The following CERS1 variants were observed in gnomAD, a reference collection of about 807,000 sequenced individuals.
CERS1 encodes the protein ceramide synthase 1, also known as Embryonic growth/differentiation factor 1.
Under a neutral mutation model 35.7 loss-of-function variants are expected in CERS1, and 16 were observed. That is an observed-to-expected ratio of 0.45 (90% CI 0.30 to 0.68). The LOEUF (loss-of-function observed/expected upper bound fraction) is 0.68, where lower values mean the gene tolerates loss of function less well. Among genes scored for constraint, CERS1 ranks in the 30% least tolerant of loss-of-function variants. The pLI is 0.08. For synonymous variants in CERS1, 243 were observed against 201.6 expected (o/e 1.21, Z -1.74); for missense variants, 454 against 453.9 (o/e 1.00, Z 0.00).
chr19:18,874,494 C>T (rs1475669631), intron 6 of CERS1, among the ~76,000 whole-genome samples: 3 of 152,126 alleles, frequency 2.0e-5, no homozygotes. Context: ...GCTGCAGGGG[C>T]AGTGGCAGGT....
chr19:18,875,273 C>T (rs141558753), intron 6 of CERS1, among the ~76,000 whole-genome samples: 2,710 of 148,048 alleles, frequency 0.018, 32 homozygotes, highest in Non-Finnish European at 0.025. Context: ...AGGCTGGGCG[C>T]GGTGGCTCAC....
intron 2 of CERS1, among the ~76,000 whole-genome samples, chr19:18,887,383 G>A (rs1199813735): frequency 6.6e-6 from 1 of 152,160 alleles, no homozygotes; most frequent in Non-Finnish European, 1.5e-5. Context: ...TAATGGGACG[G>A]GGTTTCCTTT....
Position 18,895,058 on chromosome 19 carries a change from G to GAT in CERS1, c.249+765_249+766insAT. The stretch of plus-strand genomic sequence containing the variant: ...TCTCGCAGGGGCGATGGTCTCCGCA[G>GAT]AAACTGGGGAATTCTGCTGTCGCCT... On this transcript the variant is annotated intron_variant, in intron 1 of 7. Transcript: ENST00000623882. This position sits in a 1 kb window ranked among gnomAD's most constrained non-coding sequence, Gnocchi z 6.4. Among the ~76,000 whole-genome samples the GAT allele has an allele frequency of 6.6e-6, 1 of 152,368 alleles. No homozygotes were observed. The highest frequency in any genetic ancestry group is 1.9e-4 in the East Asian group (1 of 5,180).
At position 18,884,180 on chromosome 19, in the gene CERS1, G is replaced by A. The variant is rs1161008712; in HGVS notation, c.497C>T (p.Thr166Met). 8.1e-6 allele frequency: 13 copies of A among 1,613,702 alleles called. No homozygotes were observed. The highest frequency in any genetic ancestry group is 1.0e-5 in the Non-Finnish European group (12 of 1,179,826). ...CTTGCGCCAGGTGTCCATGTATAGC[G>A]TAGCGTAGATGGAGTGGCCATAGAA... ...GSFYGHSIYA[T>M]LYMDTWRKDS... is the part of the protein sequence containing the mutation. The change falls in exon 3 of 8, where the codon ACG becomes ATG. Residue 166 changes from threonine to methionine, a missense_variant. By Grantham distance (81) the Thr-to-Met change is moderately conservative. Transcript: ENST00000623882.
At chr19:18,887,546 A>G (rs1187445471) in intron 2 of CERS1, among the ~76,000 whole-genome samples, 2 of 152,130 alleles carry the variant, frequency 1.3e-5, no homozygotes, top group African/African-American at 4.8e-5. Context: ...GGAGTTGGAG[A>G]CCAGCCTGGC....
intron 3 of CERS1, among the ~76,000 whole-genome samples, chr19:18,882,836 G>A (rs1203792844): frequency 2.0e-5 from 3 of 151,816 alleles, no homozygotes; most frequent in African/African-American, 7.3e-5. Context: ...GGGACTACAG[G>A]CGCCCACCAC....
In CERS1 at chr19:18,870,209, TGGGGGCAC is replaced by T; in HGVS notation, c.*360_*367del. ...CCTGGAGCAGGGCGGCGGCTGGGCC[TGGGGGCAC>T]GGGGGCGCGGGTCAGGGGCAGCGAG... On this transcript the variant is annotated 3_prime_UTR_variant, in exon 7 of 8. Transcript: ENST00000623882. The surrounding 1 kb of genome is among the most constrained non-coding windows in gnomAD (Gnocchi z 5.1). 1 of 1,557,734 alleles carries T rather than the reference TGGGGGCAC, an allele frequency of 6.4e-7. No individual in the cohort carries two copies. Among genetic ancestry groups the T allele is most frequent in the Non-Finnish European group, 8.6e-7 (1 of 1,158,114 alleles).
chr19:18,893,649 G>A (rs2056553032), intron 1 of CERS1, 74 bp from the exon 2 acceptor site: 1 of 1,447,314 alleles, frequency 6.9e-7, no homozygotes, highest in African/African-American at 1.4e-5. Context: ...TGGGGAAACT[G>A]AGGCCCAGGG....
chr19:18,869,412 C>A (rs757906133), intron 7 of CERS1, 22 bp from the exon 8 acceptor site: 3 of 1,525,716 alleles, frequency 2.0e-6, no homozygotes, highest in Non-Finnish European at 2.6e-6. Context: ...GGAACAGGAA[C>A]TCGGCTCGCG....
intron 2 of CERS1, among the ~76,000 whole-genome samples, chr19:18,885,510 C>CTTT (rs1568302620): frequency 3.4e-5 from 1 of 29,506 alleles, no homozygotes; most frequent in African/African-American, 1.1e-4. Context: ...CGCCCCTTCT[C>CTTT]GTTTTTTTTT....
chr19:18,889,697 T>C (rs1323236735), intron 2 of CERS1, among the ~76,000 whole-genome samples: 1 of 152,168 alleles, frequency 6.6e-6, no homozygotes, highest in African/African-American at 2.4e-5. Flanking sequence ...CCCAAAGTAC[T>C]GGGATTCCAG....
chr19:18,871,018 G>A (rs571800157), intron 6 of CERS1, among the ~76,000 whole-genome samples: 1 of 151,914 alleles, frequency 6.6e-6, no homozygotes, highest in Admixed American at 6.6e-5. Flanking sequence ...CCCCACGAAG[G>A]CTAGTCCTTG....
At chr19:18,880,110 C>T (rs2056164973) in intron 4 of CERS1, among the ~76,000 whole-genome samples, 164 bp downstream of exon 4, 1 of 151,220 alleles carries the variant, frequency 6.6e-6, no homozygotes, top group South Asian at 2.1e-4. Flanking sequence ...TGTATAGCCC[C>T]GCCCCTTCAG....
In CERS1 at chr19:18,870,813, C is replaced by G. The variant is rs943950951; in HGVS notation, c.1011-194G>C. 6.6e-6 allele frequency among the ~76,000 whole-genome samples: 1 copy of G among 152,136 alleles called. No individual in the cohort carries two copies. The highest frequency in any genetic ancestry group is 6.5e-5 in the Admixed American group (1 of 15,274). Reference sequence around the variant, plus strand: ...TCACCCTGCCCCTCCTTCAACCTGCCCCGTAGGCACGTATGTCCCCCCTGG... The same window carrying G: ...TCACCCTGCCCCTCCTTCAACCTGCGCCGTAGGCACGTATGTCCCCCCTGG... On this transcript the variant is annotated intron_variant, in intron 6 of 7. Coordinates refer to ENST00000623882, the MANE Select transcript of CERS1 (RefSeq NM_021267.5). The surrounding 1 kb of genome is among the most constrained non-coding windows in gnomAD (Gnocchi z 5.1).
chr19:18,895,673 C>T lies in CERS1; in HGVS notation c.249+151G>A, dbSNP rs1019500751. 1 of 329,352 alleles carries T rather than the reference C, an allele frequency of 3.0e-6. No individual in the cohort carries two copies. Among genetic ancestry groups the T allele is most frequent in the Non-Finnish European group, 5.1e-6 (1 of 196,972 alleles). The allele number at this position is 329,352 out of a possible 1,614,324, so 20.4% of individuals were successfully genotyped here. On this transcript the variant is annotated intron_variant, in intron 1 of 7. Coordinates refer to ENST00000623882, the MANE Select transcript of CERS1 (RefSeq NM_021267.5). This position sits in a 1 kb window ranked among gnomAD's most constrained non-coding sequence, Gnocchi z 6.4. ...CCTGGGGCTCCAACGTCCTGGGCCT[C>T]TCCAGCCCGAGGCCCCCACCCACGT...
At chr19:18,896,358 G>A (rs908815038), upstream of CERS1, among the ~76,000 whole-genome samples, 12 of 150,858 alleles carry the variant, frequency 8.0e-5, no homozygotes, top group African/African-American at 2.7e-4. This position sits in a 1 kb window ranked among gnomAD's most constrained non-coding sequence, Gnocchi z 5.9. Flanking sequence ...CCTGGACCCC[G>A]AGAGACCCCG....
Position 18,870,247 on chromosome 19 carries a change from G to A in CERS1, c.*330C>T. 1 of 1,551,296 alleles carries A rather than the reference G, an allele frequency of 6.4e-7. No homozygotes were observed. ...GCGCGGGTCAGGGGCAGCGAGGGCAGCAGCAGGGCCAGGAGGAGGAGGAGG... is the reference window on the plus strand; with the variant it reads ...GCGCGGGTCAGGGGCAGCGAGGGCAACAGCAGGGCCAGGAGGAGGAGGAGG... On this transcript the variant is annotated 3_prime_UTR_variant, in exon 7 of 8. Coordinates refer to ENST00000623882, the MANE Select transcript of CERS1 (RefSeq NM_021267.5). This position sits in a 1 kb window ranked among gnomAD's most constrained non-coding sequence, Gnocchi z 5.1.
intron 6 of CERS1, among the ~76,000 whole-genome samples, chr19:18,876,536 T>TGTGTGTGTGTGTGTGTGTG (rs1555703706): frequency 2.8e-5 from 4 of 143,184 alleles, no homozygotes; most frequent in African/African-American, 1.0e-4. Context: ...TTTGATTGGG[T>TGTGTGTGTGTGTGTGTGTG]TGTGTGTGTG....
chr19:18,890,783 G>GA (rs35488506), intron 2 of CERS1, among the ~76,000 whole-genome samples: 12,261 of 99,674 alleles, frequency 0.12, 742 homozygotes, highest in Middle Eastern at 0.21. Context: ...CGCGTCTGGG[G>GA]AAAAAAAAAA....
Sources: allele counts gnomAD v4.1 joint callset (sites outside exome capture counted in the v4.1 genomes callset), GRCh38; gene constraint gnomAD v4.1.1; non-coding constraint Gnocchi (gnomAD v3.1); transcripts MANE v1.5; gene names NCBI Gene and HGNC (gene_info 2026-07-23, HGNC 2026-07-21).